C3orf85: variants seen among roughly 807,000 people sequenced by gnomAD.
The protein encoded by C3orf85 is chromosome 3 open reading frame 85.
A neutral mutation model predicts 1.7 loss-of-function variants in C3orf85; 1 was observed. That is an observed-to-expected ratio of 0.60 (90% CI 0.21 to 2.86). C3orf85 has a LOEUF of 2.86. Ranked by LOEUF, C3orf85 falls within the 30% of genes most tolerant of loss-of-function variation. The pLI is 0.22. For synonymous variants in C3orf85, 17 were observed against 8.0 expected (o/e 2.13, Z -1.90); for missense variants, 29 against 21.3 (o/e 1.36, Z -0.72).
At chr3:109,141,452 AT>A (rs1332444263) in intron 2 of C3orf85, among the ~76,000 whole-genome samples, 2 of 151,418 alleles carry the variant, frequency 1.3e-5, no homozygotes, top group Admixed American at 6.6e-5. Flanking sequence ...AACCCGCTTC[AT>A]TTTTCTATCT....
chr3:109,148,216 T>A (rs762440157), intron 2 of C3orf85, 37 bp from the exon 3 acceptor site: 13 of 690,740 alleles, frequency 1.9e-5, no homozygotes, highest in Admixed American at 4.1e-5. Flanking sequence ...AAACTATTGC[T>A]CTAAAAGATG....
At chr3:109,139,116 AC>A (rs755744511) in intron 2 of C3orf85, among the ~76,000 whole-genome samples, 1 of 152,210 alleles carries the variant, frequency 6.6e-6, no homozygotes, top group Non-Finnish European at 1.5e-5. Context: ...AATTCAAGTG[AC>A]CAAGCTACAC....
At chr3:109,139,061 G>A (rs1357984190) in intron 2 of C3orf85, among the ~76,000 whole-genome samples, 1 of 152,212 alleles carries the variant, frequency 6.6e-6, no homozygotes, top group Non-Finnish European at 1.5e-5. Flanking sequence ...ACTAATAGAT[G>A]CTATGCTCCT....
chr3:109,140,348 T>A (rs1706731592), intron 2 of C3orf85, among the ~76,000 whole-genome samples: 1 of 152,176 alleles, frequency 6.6e-6, no homozygotes. Context: ...TGGTTCCTGT[T>A]AACAGGCCCT....
At chr3:109,144,156 G>T (rs1448095515) in intron 2 of C3orf85, among the ~76,000 whole-genome samples, 1 of 152,046 alleles carries the variant, frequency 6.6e-6, no homozygotes, top group Non-Finnish European at 1.5e-5. Context: ...AAAACTCAGG[G>T]TTCAGTTTTC....
intron 2 of C3orf85, among the ~76,000 whole-genome samples, chr3:109,142,683 A>C (rs900972541): frequency 6.6e-6 from 1 of 150,660 alleles, no homozygotes; most frequent in Non-Finnish European, 1.5e-5. Context: ...CTCCCACCGG[A>C]GTGCCCTGGC....
At chr3:109,146,655 G>A (rs921628554) in intron 2 of C3orf85, among the ~76,000 whole-genome samples, 5 of 152,142 alleles carry the variant, frequency 3.3e-5, no homozygotes, top group East Asian at 1.9e-4. Context: ...CTGCTTGAGC[G>A]CCCTCACGAC....
chr3:109,137,621 G>A (rs1055444366), intron 2 of C3orf85, among the ~76,000 whole-genome samples: 2 of 66,100 alleles, frequency 3.0e-5, no homozygotes, highest in East Asian at 4.1e-4. Context: ...ATGTATATAT[G>A]TGTGTGTGTG....
At chr3:109,144,172 C>T (rs909153779) in intron 2 of C3orf85, among the ~76,000 whole-genome samples, 1 of 151,950 alleles carries the variant, frequency 6.6e-6, no homozygotes, top group African/African-American at 2.4e-5. Context: ...TTTTCAAACC[C>T]CAGCAATATT....
At chr3:109,146,858 T>C (rs1449893984) in intron 2 of C3orf85, among the ~76,000 whole-genome samples, 1 of 152,198 alleles carries the variant, frequency 6.6e-6, no homozygotes, top group African/African-American at 2.4e-5. Flanking sequence ...TAGTAATTTT[T>C]GGGAGCCACC....
rs1204483780 is a variant in C3orf85, at chr3:109,150,434, G to A, written c.*540G>A. 6.6e-6 allele frequency: 1 copy of A among 152,154 alleles called. No individual in the cohort carries two copies. The highest frequency in any genetic ancestry group is 1.5e-5 in the Non-Finnish European group (1 of 68,020). The allele number at this position is 152,154 out of a possible 1,614,324, so 9.4% of individuals were successfully genotyped here. ...ATACAGCCTTACCTTAATACAACAA[G>A]TAGATAGTGGCTAGGAACTCAATGG... On this transcript the variant is annotated 3_prime_UTR_variant, in exon 4 of 4. Transcript: ENST00000622536.
intron 2 of C3orf85, among the ~76,000 whole-genome samples, chr3:109,143,658 A>T (rs1465287802): frequency 6.6e-6 from 1 of 152,202 alleles, no homozygotes; most frequent in African/African-American, 2.4e-5. Flanking sequence ...TTTTTGATTA[A>T]TGACCTATTT....
At chr3:109,139,770 T>G (rs1363117743) in intron 2 of C3orf85, among the ~76,000 whole-genome samples, 1 of 152,214 alleles carries the variant, frequency 6.6e-6, no homozygotes, top group Non-Finnish European at 1.5e-5. Flanking sequence ...GTCCATAAAG[T>G]GCAAGTATGT....
intron 2 of C3orf85, among the ~76,000 whole-genome samples, chr3:109,140,275 G>A (rs553677282): frequency 1.2e-4 from 19 of 152,334 alleles, no homozygotes; most frequent in African/African-American, 4.6e-4. Flanking sequence ...TTTGAAGGGT[G>A]AAGGGGACGG....
chr3:109,141,750 TG>T (rs1706745366), intron 2 of C3orf85, among the ~76,000 whole-genome samples: 1 of 152,008 alleles, frequency 6.6e-6, no homozygotes, highest in Non-Finnish European at 1.5e-5. Flanking sequence ...ACTTACTTAG[TG>T]GGGCGTGGTG....
intron 3 of C3orf85, 117 bp downstream of exon 3, chr3:109,148,503 C>A: frequency 1.5e-6 from 1 of 661,488 alleles, no homozygotes; most frequent in Non-Finnish European, 2.7e-6. Context: ...TCTCTAGACA[C>A]TCTGAACTAT....
intron 2 of C3orf85, among the ~76,000 whole-genome samples, chr3:109,137,637 G>GTGTGTGTGTA (rs751674362): frequency 6.3e-5 from 5 of 79,896 alleles, no homozygotes; most frequent in Admixed American, 5.5e-4. Context: ...GTGTGTGTGT[G>GTGTGTGTGTA]TATATATATA....
chr3:109,139,126 A>G (rs1706712091), intron 2 of C3orf85, among the ~76,000 whole-genome samples: 1 of 152,338 alleles, frequency 6.6e-6, no homozygotes, highest in East Asian at 1.9e-4. Flanking sequence ...ACCAAGCTAC[A>G]CAGTCAATCA....
At chr3:109,146,194 G>T (rs985158387) in intron 2 of C3orf85, 2 of 152,322 alleles carry the variant, frequency 1.3e-5, no homozygotes, top group South Asian at 2.1e-4. Context: ...TCCATGCAAT[G>T]ATGATAATCA....
Sources: gnomAD v4.1 joint callset for allele counts (sites outside exome capture counted in the v4.1 genomes callset) on GRCh38, gnomAD v4.1.1 for gene constraint, MANE v1.5 for transcripts, NCBI Gene and HGNC (gene_info 2026-07-23, HGNC 2026-07-21) for gene names.